Variants in GRID2 observed in about 807,000 individuals in gnomAD.
GRID2 encodes glutamate receptor ionotropic, delta-2.
Under a neutral mutation model 114.8 loss-of-function variants are expected in GRID2, and 33 were observed. That is an observed-to-expected ratio of 0.29 (90% CI 0.22 to 0.38). GRID2 has a LOEUF of 0.38. GRID2 is among the 10% of genes least tolerant of loss of function. The pLI, the probability that GRID2 is intolerant of heterozygous loss-of-function variation, is 1.00. For missense variants in GRID2, 1,184 were observed against 1,257.7 expected, an observed-to-expected ratio of 0.94 and a Z score of 0.89; for synonymous variants, 505 against 449.9, an observed-to-expected ratio of 1.12 and a Z score of -1.55.
intron 8 of GRID2, among the ~76,000 whole-genome samples, chr4:93,341,611 A>C (rs965188659): frequency 1.3e-5 from 2 of 152,208 alleles, no homozygotes; most frequent in African/African-American, 2.4e-5. Context: ...GGCGTGAGCC[A>C]CTGTTCCCAA....
At chr4:93,017,892 T>G (rs1003758041) in intron 2 of GRID2, among the ~76,000 whole-genome samples, 1 of 149,586 alleles carries the variant, frequency 6.7e-6, no homozygotes, top group Non-Finnish European at 1.5e-5. Flanking sequence ...CTTTTTTTTT[T>G]TTTTTTTTTA....
Position 93,432,913 on chromosome 4 carries a change from A to T in GRID2, c.1545+9945A>T, listed in dbSNP as rs531727393. Reference sequence around the variant, plus strand: ...CTCCACCTCTAAAAAAATAAACATTAAAAAAAATTAGCTAGACATGGTGGT... The same window carrying T: ...CTCCACCTCTAAAAAAATAAACATTTAAAAAAATTAGCTAGACATGGTGGT... On this transcript the variant is annotated intron_variant, in intron 10 of 15. Transcript: ENST00000282020. Among the ~76,000 whole-genome samples the T allele has an allele frequency of 3.3e-5, 5 of 151,554 alleles. No individual in the cohort carries two copies. The South Asian group carries it at 1.0e-3, about 32-fold the overall frequency.
intron 13 of GRID2, among the ~76,000 whole-genome samples, chr4:93,521,839 G>T (rs1272907767): frequency 6.6e-6 from 1 of 152,122 alleles, no homozygotes; most frequent in Non-Finnish European, 1.5e-5. Context: ...GGTAACTGTA[G>T]TAAAACTACA....
At chr4:93,265,734 G>T (rs1750749448) in intron 8 of GRID2, among the ~76,000 whole-genome samples, 2 of 152,182 alleles carry the variant, frequency 1.3e-5, no homozygotes, top group Non-Finnish European at 2.9e-5. Context: ...GACAGTGATT[G>T]TGGTGGTGAG....
chr4:93,275,606 GTTAT>G (rs1264117759), intron 8 of GRID2, among the ~76,000 whole-genome samples: 2 of 151,632 alleles, frequency 1.3e-5, no homozygotes, highest in African/African-American at 4.8e-5. Context: ...CTTATTTCAT[GTTAT>G]TTGTTATCAT....
rs186741397 is a variant in GRID2, at chr4:92,467,478, C to T, written c.89-122653C>T. 2.6e-5 allele frequency among the ~76,000 whole-genome samples: 4 copies of T among 152,058 alleles called. No individual in the cohort carries two copies. In the East Asian group the frequency reaches 7.7e-4, roughly 29 times the overall value. On this transcript the variant is annotated intron_variant, in intron 1 of 15. Transcript: ENST00000282020. ...CACACTAATATGTAAAAAGGGACCA[C>T]TACCCCTTGAGTGAGACTTTATATT...
chr4:93,360,675 T>A (rs776875393), intron 8 of GRID2, among the ~76,000 whole-genome samples: 1 of 151,972 alleles, frequency 6.6e-6, no homozygotes, highest in Admixed American at 6.6e-5. Flanking sequence ...GTTGCAAATA[T>A]AAGGTCAATG....
chr4:93,089,224 G>C (rs1371248208), intron 3 of GRID2, among the ~76,000 whole-genome samples: 1 of 152,108 alleles, frequency 6.6e-6, no homozygotes, highest in Non-Finnish European at 1.5e-5. Context: ...ATTTCCAACA[G>C]ATTGTGAAAT....
intron 2 of GRID2, among the ~76,000 whole-genome samples, chr4:93,081,462 A>T (rs182690548): frequency 3.3e-5 from 5 of 152,330 alleles, no homozygotes; most frequent in Admixed American, 2.6e-4. Flanking sequence ...ATTAAATTCC[A>T]TAACTGCAGA....
chr4:92,304,927 C>A (rs913414194), intron 1 of GRID2, among the ~76,000 whole-genome samples, 183 bp downstream of exon 1: 101 of 152,252 alleles, frequency 6.6e-4, no homozygotes, highest in African/African-American at 2.1e-3. Context: ...GATGCTCGAA[C>A]CTCGACTGAC....
chr4:93,616,861 G>A (rs546271149), intron 13 of GRID2, among the ~76,000 whole-genome samples: 1 of 149,388 alleles, frequency 6.7e-6, no homozygotes. Context: ...CAGGCGTGGT[G>A]GTGGGCGCCT....
rs183033007 is a variant in GRID2, at chr4:92,674,107, T to A, written c.244+83821T>A. Among the ~76,000 whole-genome samples the A allele has an allele frequency of 3.3e-3, 501 of 152,326 alleles. 2 individuals carry two copies. The highest frequency in any genetic ancestry group is 5.4e-3 in the Non-Finnish European group (368 of 68,024). On this transcript the variant is annotated intron_variant, in intron 2 of 15. Transcript: ENST00000282020. ...ATCTTATTGTGTTGAATTGAGTGCTTTTTCATTGGATTTATCCTGTTTAAA... is the reference window on the plus strand; with the variant it reads ...ATCTTATTGTGTTGAATTGAGTGCTATTTCATTGGATTTATCCTGTTTAAA...
intron 13 of GRID2, among the ~76,000 whole-genome samples, chr4:93,558,646 T>C (rs915566471): frequency 1.3e-5 from 2 of 152,274 alleles, no homozygotes; most frequent in Non-Finnish European, 2.9e-5. Flanking sequence ...AGCCGAATTC[T>C]ACCAGAGGTA....
intron 2 of GRID2, among the ~76,000 whole-genome samples, chr4:93,043,931 A>AT (rs1725873097): frequency 5.3e-5 from 8 of 149,642 alleles, no homozygotes; most frequent in African/African-American, 1.5e-4. Context: ...ATATATATAT[A>AT]AAAATAAAAA....
rs1380653542 is a variant in GRID2 at position 93,273,568 on chromosome 4, A to G, written c.1245+35078A>G. ...GGAATTATATGGGAAAGAGGAATTA[A>G]AGGCTATAATTATCTGGCTTTAAAA... On this transcript the variant is annotated intron_variant, in intron 8 of 15. Transcript: ENST00000282020. 2.0e-5 allele frequency among the ~76,000 whole-genome samples: 3 copies of G among 152,180 alleles called. No homozygotes were observed. In the South Asian group the frequency reaches 6.2e-4, roughly 32 times the overall value.
chr4:92,702,440 A>G (rs1734725645), intron 2 of GRID2: 1 of 152,118 alleles, frequency 6.6e-6, no homozygotes, highest in South Asian at 2.1e-4. Context: ...ACATACAACT[A>G]TGCAAAGGAT....
intron 10 of GRID2, among the ~76,000 whole-genome samples, chr4:93,440,105 G>C (rs1363990429): frequency 6.6e-6 from 1 of 152,032 alleles, no homozygotes; most frequent in Non-Finnish European, 1.5e-5. Context: ...GAGGAGCAAC[G>C]CTTGTGAATG....
At chr4:93,488,008 C>A (rs1726586218) in intron 11 of GRID2, among the ~76,000 whole-genome samples, 1 of 151,848 alleles carries the variant, frequency 6.6e-6, no homozygotes, top group South Asian at 2.1e-4. Flanking sequence ...ATTTTTATAA[C>A]AAAGATTAAA....
At chr4:93,427,477 G>A (rs1768967286) in intron 10 of GRID2, among the ~76,000 whole-genome samples, 1 of 151,840 alleles carries the variant, frequency 6.6e-6, no homozygotes, top group African/African-American at 2.4e-5. Context: ...TTTCTAAGGG[G>A]CTACCAAACT....
Sources: allele counts gnomAD v4.1 joint callset (sites outside exome capture counted in the v4.1 genomes callset), GRCh38; gene constraint gnomAD v4.1.1; transcripts MANE v1.5; gene names NCBI Gene and HGNC (gene_info 2026-07-23, HGNC 2026-07-21).